The following RBFOX1 variants were observed in gnomAD, a reference collection of about 807,000 sequenced individuals.
The protein encoded by RBFOX1 is RNA binding protein fox-1 homolog 1.
A neutral mutation model predicts 57.7 loss-of-function variants in RBFOX1; 8 were observed. The ratio of observed to expected loss-of-function variants is 0.14; its 90% CI spans 0.08 to 0.25. The LOEUF is 0.25. Among genes scored for constraint, RBFOX1 ranks in the 10% least tolerant of loss-of-function variants. The probability of loss-of-function intolerance (pLI) is 1.00; values close to 1 mark genes in which losing one functional copy is unlikely to be tolerated. For synonymous variants in RBFOX1, 326 were observed against 222.4 expected (o/e 1.47, Z -4.15); for missense variants, 611 against 548.5 (o/e 1.11, Z -1.14).
At chr16:7,390,155 C>G (rs977070201) in intron 4 of RBFOX1, among the ~76,000 whole-genome samples, 6 of 152,090 alleles carry the variant, frequency 3.9e-5, no homozygotes, top group Non-Finnish European at 7.4e-5. Flanking sequence ...TGTGAAAACT[C>G]TATCAAAAGA....
At chr16:6,318,496 G>C (rs1283221329) in intron 2 of RBFOX1, among the ~76,000 whole-genome samples, 1 of 152,146 alleles carries the variant, frequency 6.6e-6, no homozygotes, top group African/African-American at 2.4e-5. Flanking sequence ...TGGGCAGGGA[G>C]GGGAGGGATG....
In RBFOX1 at chr16:6,796,373, G is replaced by A. The variant is rs13334291; in HGVS notation, c.-16+141723G>A. On this transcript the variant is annotated intron_variant, in intron 3 of 15. Transcript: ENST00000550418. ...CAGCCAAACCATATCAGTTACTATA[G>A]TCATTTTTTGGCAAAACCAAGAAAT... Among the ~76,000 whole-genome samples the A allele has an allele frequency of 6.8e-3, 1,037 of 152,168 alleles. 22 individuals are homozygous for A. The highest frequency in any genetic ancestry group is 0.024 in the African/African-American group (982 of 41,506).
intron 1 of RBFOX1, among the ~76,000 whole-genome samples, chr16:5,318,895 G>T (rs1460855814): frequency 6.6e-6 from 1 of 152,194 alleles, no homozygotes; most frequent in Non-Finnish European, 1.5e-5. Flanking sequence ...CACTTTGGGA[G>T]GCTGAGGCGG....
Position 5,791,698 on chromosome 16 carries a change from A to T in RBFOX1, c.319-75605A>T, listed in dbSNP as rs1597271024. Among the ~76,000 whole-genome samples the T allele has an allele frequency of 2.0e-5, 3 of 152,352 alleles. 1 individual carries two copies. The East Asian group carries it at 5.8e-4, about 29-fold the overall frequency. The stretch of plus-strand genomic sequence containing the variant: ...GCTAACCACAGACTGCATTCTAGAG[A>T]GTAGAAAAAAATTAGCACACACACA... On this transcript the variant is annotated intron_variant, in intron 3 of 19. Coordinates refer to the RBFOX1 transcript ENST00000641259.
At chr16:6,061,134 C>T (rs1438836974) in intron 1 of RBFOX1, among the ~76,000 whole-genome samples, 1 of 152,170 alleles carries the variant, frequency 6.6e-6, no homozygotes, top group Admixed American at 6.5e-5. Context: ...GTCCAATCTG[C>T]TGGACCAGAG....
At chr16:6,435,633 A>T (rs143846851) in intron 2 of RBFOX1, among the ~76,000 whole-genome samples, 1 of 152,150 alleles carries the variant, frequency 6.6e-6, no homozygotes, top group Non-Finnish European at 1.5e-5. Context: ...ATCTACCCCC[A>T]GCAAGATTTA....
intron 14 of RBFOX1, among the ~76,000 whole-genome samples, chr16:7,696,862 A>T (rs2078960604): frequency 6.6e-6 from 1 of 152,120 alleles, no homozygotes; most frequent in African/African-American, 2.4e-5. Flanking sequence ...TGAACGTGTG[A>T]CCCATGAAAC....
intron 3 of RBFOX1, among the ~76,000 whole-genome samples, chr16:7,028,850 G>C (rs1483538045): frequency 6.6e-6 from 1 of 150,628 alleles, no homozygotes; most frequent in African/African-American, 2.4e-5. Flanking sequence ...GAAAAGGTGT[G>C]GGCATCGCTT....
chr16:5,479,487 G>C (rs1358584465), intron 2 of RBFOX1, among the ~76,000 whole-genome samples: 1 of 152,152 alleles, frequency 6.6e-6, no homozygotes, highest in Non-Finnish European at 1.5e-5. Flanking sequence ...GGCCAGGCAT[G>C]GTGGCTCATG....
At chr16:7,189,180 C>G (rs1377808302) in intron 4 of RBFOX1, among the ~76,000 whole-genome samples, 4 of 151,990 alleles carry the variant, frequency 2.6e-5, no homozygotes, top group East Asian at 1.9e-4. Flanking sequence ...AATCCCAGCA[C>G]TTTGGGAGGC....
rs17143601 is a variant in RBFOX1, at chr16:7,413,241, G to C, written c.28-104906G>C. 9.6e-3 allele frequency among the ~76,000 whole-genome samples: 1,464 copies of C among 152,052 alleles called. 17 individuals carry two copies. The highest frequency in any genetic ancestry group is 0.033 in the African/African-American group (1,370 of 41,468). ...TTGACATCACTACCCAGAAGCATTG[G>C]TAACCTCTTTGTGCCTCAACACTGA... is the stretch of plus-strand genomic sequence containing the variant. On this transcript the variant is annotated intron_variant, in intron 4 of 15. Coordinates refer to ENST00000550418, the MANE Select transcript of RBFOX1 (RefSeq NM_018723.4).
At chr16:5,892,254 G>C (rs57489583) in intron 4 of RBFOX1, among the ~76,000 whole-genome samples, 1 of 152,182 alleles carries the variant, frequency 6.6e-6, no homozygotes, top group Admixed American at 6.5e-5. Context: ...AAGAGACTTG[G>C]CGGGGTTGAG....
chr16:5,860,930 G>T (rs1241596455), intron 3 of RBFOX1, among the ~76,000 whole-genome samples: 1 of 152,180 alleles, frequency 6.6e-6, no homozygotes, highest in East Asian at 1.9e-4. Flanking sequence ...GAGAGAGAAA[G>T]CTTCATTCTC....
chr16:6,194,700 T>A (rs1485028931), intron 1 of RBFOX1, among the ~76,000 whole-genome samples: 1 of 152,210 alleles, frequency 6.6e-6, no homozygotes, highest in East Asian at 1.9e-4. Context: ...TAGGGTTTCT[T>A]ACATTCATGG....
intron 5 of RBFOX1, among the ~76,000 whole-genome samples, chr16:7,576,188 T>A (rs2093324868): frequency 6.6e-6 from 1 of 151,932 alleles, no homozygotes; most frequent in Non-Finnish European, 1.5e-5. Context: ...CCTGCCAAAG[T>A]GCTGGGATTA....
intron 4 of RBFOX1, among the ~76,000 whole-genome samples, chr16:7,499,613 T>C (rs2069959581): frequency 6.6e-6 from 1 of 152,150 alleles, no homozygotes; most frequent in Non-Finnish European, 1.5e-5. Context: ...CTAAAGAAGA[T>C]AGACACGTTA....
chr16:6,703,921 G>C (rs566442726), intron 3 of RBFOX1: 1 of 152,304 alleles, frequency 6.6e-6, no homozygotes, highest in South Asian at 2.1e-4. Flanking sequence ...ATAGAAAAGA[G>C]GCCTCAGCTT....
intron 2 of RBFOX1, among the ~76,000 whole-genome samples, chr16:6,478,423 ATATATATTTTTTTTT>A (rs1200551717): frequency 8.3e-5 from 1 of 11,988 alleles, no homozygotes; most frequent in African/African-American, 2.1e-4. Flanking sequence ...ATATATATAT[ATATATATTTTTTTTT>A]TTTTTTTTTG....
At chr16:5,909,090 C>CTTTGTT (rs2058549500) in intron 4 of RBFOX1, among the ~76,000 whole-genome samples, 1 of 116,390 alleles carries the variant, frequency 8.6e-6, no homozygotes, top group Non-Finnish European at 1.7e-5. Flanking sequence ...CTAAGCCCCC[C>CTTTGTT]TTTTTTTTTT....
Sources: gnomAD v4.1 joint callset for allele counts (sites outside exome capture counted in the v4.1 genomes callset) on GRCh38, gnomAD v4.1.1 for gene constraint, MANE v1.5 for transcripts, NCBI Gene and HGNC (gene_info 2026-07-23, HGNC 2026-07-21) for gene names.